Variants in GPHN observed in about 807,000 individuals in gnomAD.
GPHN encodes the protein gephyrin.
A neutral mutation model predicts 95.5 loss-of-function variants in GPHN; 17 were observed. The ratio of observed to expected loss-of-function variants is 0.18; its 90% CI spans 0.12 to 0.27. GPHN has a LOEUF of 0.27. Among genes scored for constraint, GPHN ranks in the 10% least tolerant of loss-of-function variants. The pLI is 1.00. For synonymous variants in GPHN, 320 were observed against 322.5 expected (o/e 0.99, Z 0.08); for missense variants, 660 against 978.1 (o/e 0.67, Z 4.34).
intron 18 of GPHN, among the ~76,000 whole-genome samples, chr14:67,150,470 A>ACAAAACAAAAAT (rs1346963893): frequency 6.7e-4 from 100 of 148,604 alleles, no homozygotes; most frequent in Admixed American, 1.3e-3. Flanking sequence ...AAAAAAAAAA[A>ACAAAACAAAAAT]AAACATTGTA....
At chr14:67,663,089 A>T in the GPHN span, 1 of 1,494,998 alleles carries the variant, frequency 6.7e-7, no homozygotes, top group East Asian at 2.5e-5. Context: ...GGCACCGGCA[A>T]TGACTTGAAC....
chr14:66,800,657 C>T (rs146267397), intron 3 of GPHN, among the ~76,000 whole-genome samples: 88 of 152,070 alleles, frequency 5.8e-4, no homozygotes, highest in African/African-American at 2.0e-3. Context: ...TACTAAATAC[C>T]ATGAGGTATT....
intron 1 of GPHN, among the ~76,000 whole-genome samples, chr14:66,561,680 G>A (rs1364960551): frequency 6.6e-6 from 1 of 152,066 alleles, no homozygotes; most frequent in African/African-American, 2.4e-5. Flanking sequence ...ATTAGGCTGA[G>A]TAAATTGACA....
chr14:67,496,391 GTTTTTTT>G, the GPHN span, among the ~76,000 whole-genome samples: 3 of 30,106 alleles, frequency 1.0e-4, no homozygotes, highest in Admixed American at 6.5e-4. Flanking sequence ...CTGCTCCGGC[GTTTTTTT>G]TTTTTTTTTT....
At chr14:67,459,472 G>A in the GPHN span, among the ~76,000 whole-genome samples, 1 of 152,206 alleles carries the variant, frequency 6.6e-6, no homozygotes, top group Non-Finnish European at 1.5e-5. Flanking sequence ...CTTGTTGAAT[G>A]AAACCGATGC....
chr14:66,993,823 C>T (rs749891212), intron 9 of GPHN, among the ~76,000 whole-genome samples: 8 of 151,996 alleles, frequency 5.3e-5, no homozygotes, highest in Non-Finnish European at 1.2e-4. Flanking sequence ...CCTTGTTTGG[C>T]ATTTTGGCAT....
chr14:67,302,743 A>G, the GPHN span, among the ~76,000 whole-genome samples: 1 of 152,150 alleles, frequency 6.6e-6, no homozygotes, highest in South Asian at 2.1e-4. Flanking sequence ...TTTGGGTGGT[A>G]CCACTGATAT....
At chr14:67,391,160 A>C in the GPHN span, among the ~76,000 whole-genome samples, 9 of 152,284 alleles carry the variant, frequency 5.9e-5, no homozygotes. Context: ...TATATTTGTC[A>C]GTCTACACGT....
intron 1 of GPHN, among the ~76,000 whole-genome samples, chr14:66,522,381 A>G (rs1410332396): frequency 1.3e-5 from 2 of 152,138 alleles, no homozygotes; most frequent in African/African-American, 2.4e-5. Flanking sequence ...ATGTTATAGT[A>G]TGTATTATAT....
At chr14:66,599,048 G>A (rs1176744320) in intron 1 of GPHN, among the ~76,000 whole-genome samples, 2 of 151,668 alleles carry the variant, frequency 1.3e-5, no homozygotes, top group Non-Finnish European at 1.5e-5. Flanking sequence ...ACGTATCCTC[G>A]GTAATTTTTT....
intron 9 of GPHN, among the ~76,000 whole-genome samples, chr14:66,976,915 T>TTGG (rs1555455889): frequency 8.5e-5 from 7 of 81,894 alleles, no homozygotes; most frequent in Admixed American, 2.6e-4. Flanking sequence ...CAGAAATATG[T>TTGG]GGGGGGGGGG....
intron 1 of GPHN, among the ~76,000 whole-genome samples, chr14:66,541,010 C>T (rs755106936): frequency 3.3e-5 from 5 of 150,380 alleles, no homozygotes; most frequent in Admixed American, 1.3e-4. Context: ...TGCAGTGGCA[C>T]GATCTTGGCT....
chr14:67,562,505 G>A, the GPHN span: 9 of 1,611,998 alleles, frequency 5.6e-6, no homozygotes, highest in South Asian at 1.1e-5. Context: ...TGCTCAGAGA[G>A]GGATGCTCCC....
chr14:66,793,002 G>A (rs1180837216), intron 3 of GPHN, among the ~76,000 whole-genome samples: 2 of 152,274 alleles, frequency 1.3e-5, no homozygotes, highest in East Asian at 3.8e-4. Flanking sequence ...ATTGTTTGTG[G>A]TTTAAGAATG....
At chr14:66,557,952 G>A (rs138972268) in intron 1 of GPHN, among the ~76,000 whole-genome samples, 2 of 152,224 alleles carry the variant, frequency 1.3e-5, no homozygotes, top group East Asian at 3.9e-4. Context: ...TGCCCTGGCT[G>A]CAATTTATAA....
At chr14:67,651,269 C>T in the GPHN span, 17 of 1,580,014 alleles carry the variant, frequency 1.1e-5, no homozygotes, top group Non-Finnish European at 1.5e-5. Context: ...CCTGGCTATA[C>T]AGTGCATCCT....
intron 17 of GPHN, among the ~76,000 whole-genome samples, chr14:67,137,246 T>A (rs1181249138): frequency 5.9e-5 from 9 of 151,472 alleles, no homozygotes; most frequent in South Asian, 4.2e-4. Context: ...CCCAGGTTCA[T>A]GCCATTCTCC....
the GPHN span, among the ~76,000 whole-genome samples, chr14:67,638,234 T>C: frequency 6.6e-6 from 1 of 152,078 alleles, no homozygotes; most frequent in Non-Finnish European, 1.5e-5. Flanking sequence ...GTATTATGCC[T>C]ATAACTAGCC....
intron 1 of GPHN, chr14:66,508,938 A>G: frequency 2.7e-6 from 1 of 366,396 alleles, no homozygotes; most frequent in East Asian, 6.8e-5. Flanking sequence ...CGCAGTCTGA[A>G]GCATGCCGCT....
Sources: allele counts gnomAD v4.1 joint callset (sites outside exome capture counted in the v4.1 genomes callset), GRCh38; gene constraint gnomAD v4.1.1; transcripts MANE v1.5; gene names NCBI Gene and HGNC (gene_info 2026-07-23, HGNC 2026-07-21).